Variants in STS observed in about 807,000 individuals in gnomAD.
STS encodes the protein steroid sulfatase, also known as steryl-sulfatase.
STS carries 7 observed loss-of-function variants against 26.8 expected under a neutral mutation model. The observed-to-expected ratio is 0.26, with a 90% CI of 0.15 to 0.49. The LOEUF is 0.49. Among genes scored for constraint, STS ranks in the 20% least tolerant of loss-of-function variants. The pLI, the probability that STS is intolerant of heterozygous loss-of-function variation, is 0.98. For missense variants in STS, 434 were observed against 465.6 expected, an observed-to-expected ratio of 0.93 and a Z score of 0.63; for synonymous variants, 199 against 189.4, an observed-to-expected ratio of 1.05 and a Z score of -0.42.
chrX:7,245,680 G>A (rs937805212), intron 2 of STS, among the ~76,000 whole-genome samples: 3 of 112,292 alleles, frequency 2.7e-5, no homozygotes, highest in South Asian at 3.7e-4. Flanking sequence ...AAGATTAAAC[G>A]CAAAATAACT....
chrX:7,230,765 A>T (rs1266486835), intron 2 of STS, among the ~76,000 whole-genome samples: 3 of 111,584 alleles, frequency 2.7e-5, no homozygotes, highest in African/African-American at 9.8e-5. Flanking sequence ...AACTGCCCTT[A>T]TGATCCAATC....
chrX:7,352,330 A>G lies in STS; in HGVS notation c.*2069A>G, dbSNP rs1423943383. The stretch of plus-strand genomic sequence containing the variant: ...ATTATATGAATGCCTATTTGTGTCT[A>G]GAACCAGTTATTTAACCTGTAAAAT... On this transcript the variant is annotated 3_prime_UTR_variant, in exon 11 of 11. Coordinates refer to ENST00000674429, the MANE Select transcript of STS (RefSeq NM_001320752.2). The G allele has an allele frequency of 8.9e-6, 1 of 112,500 alleles. No homozygotes were observed. The highest frequency in any genetic ancestry group is 1.9e-5 in the Non-Finnish European group (1 of 53,325). The allele number at this position is 112,500 out of a possible 1,213,427, so 9.3% of individuals were successfully genotyped here.
chrX:7,316,908 G>A (rs1390192831), intron 8 of STS, among the ~76,000 whole-genome samples: 1 of 111,453 alleles, frequency 9.0e-6, no homozygotes, highest in Non-Finnish European at 1.9e-5. Flanking sequence ...AAGATTTGAG[G>A]AGAAAAATGA....
intron 1 of STS, among the ~76,000 whole-genome samples, chrX:7,151,334 A>G (rs1189440357): frequency 1.8e-5 from 2 of 111,474 alleles, no homozygotes; most frequent in Admixed American, 9.5e-5. Context: ...AACAGGTTGG[A>G]CTAGGGACCA....
At position 7,350,032 on chromosome X, in the gene STS, A is replaced by G; in HGVS notation, c.1508A>G (p.Asp503Gly). Residue 503 changes from aspartate (D) to glycine (G), a missense_variant, in exon 11 of 11, where the codon GAT becomes GGT. Transcript: ENST00000674429. The part of the protein sequence containing the change: ...DPPLLFDISK[D>G]PRERNPLTPA... ...CCTTTACTCTTTGATATTTCCAAAG[A>G]TCCCAGAGAGAGAAACCCACTAACT... 6 of 1,211,713 alleles carry G rather than the reference A, an allele frequency of 5.0e-6. No homozygotes were observed. Among genetic ancestry groups the G allele is most frequent in the Non-Finnish European group, 6.7e-6 (6 of 895,415 alleles).
intron 2 of STS, among the ~76,000 whole-genome samples, chrX:7,245,278 C>T (rs1922810546): frequency 8.9e-6 from 1 of 111,851 alleles, no homozygotes; most frequent in Non-Finnish European, 1.9e-5. Flanking sequence ...TATTTAAAGA[C>T]GGATGCTAAT....
intron 2 of STS, among the ~76,000 whole-genome samples, chrX:7,197,869 A>G (rs1933999304): frequency 9.0e-6 from 1 of 111,570 alleles, no homozygotes; most frequent in Non-Finnish European, 1.9e-5. Flanking sequence ...CTGTATCCCT[A>G]CGATGCACAG....
intron 7 of STS, among the ~76,000 whole-genome samples, chrX:7,302,264 A>C (rs887571493): frequency 9.0e-6 from 1 of 111,720 alleles, no homozygotes; most frequent in African/African-American, 3.3e-5. Context: ...TTGTATGAGC[A>C]AAAGGGGGCA....
chrX:7,165,913 G>A (rs1202983552), intron 1 of STS, among the ~76,000 whole-genome samples: 1 of 111,429 alleles, frequency 9.0e-6, no homozygotes, highest in South Asian at 3.8e-4. Context: ...GTCTAGGCTA[G>A]TGCCGTAGTC....
Position 7,331,424 on chromosome X carries a change from G to A in STS, c.1242-2562G>A, listed in dbSNP as rs746246177. Among the ~76,000 whole-genome samples, 4 of 110,807 alleles carry A rather than the reference G, an allele frequency of 3.6e-5. No individual in the cohort carries two copies. The South Asian group carries it at 1.6e-3, about 44-fold the overall frequency. ...CTCCCTTTTCCACCAAGAGCCATGA[G>A]GGCACTAGGGCAGAAAACACATTCA... On this transcript the variant is annotated intron_variant, in intron 9 of 10. Coordinates refer to ENST00000674429, the MANE Select transcript of STS (RefSeq NM_001320752.2).
At chrX:7,243,434 T>C (rs6639786) in intron 2 of STS, among the ~76,000 whole-genome samples, 39,735 of 110,874 alleles carry the variant, frequency 0.36, 5,281 homozygotes, top group East Asian at 0.4. Context: ...CTTAGGGTAA[T>C]GTGCAGAAGA....
At chrX:7,156,362 A>G (rs1405902261) in intron 1 of STS, among the ~76,000 whole-genome samples, 4 of 110,554 alleles carry the variant, frequency 3.6e-5, no homozygotes, top group South Asian at 3.7e-4. Flanking sequence ...ATGTGTGTAT[A>G]TATATTTATA....
At position 7,319,458 on chromosome X, in the gene STS, G is replaced by A. The variant is rs915634030; in HGVS notation, c.1082-5881G>A. 4.5e-5 allele frequency among the ~76,000 whole-genome samples: 5 copies of A among 110,440 alleles called. No homozygotes were observed. In the Admixed American group the frequency reaches 4.8e-4, roughly 11 times the overall value. ...TTACAGACATGAGCCACTGCACCCA[G>A]CCACTATCTGCTGTTTAAGGGCCAT... On this transcript the variant is annotated intron_variant, in intron 8 of 10. Coordinates refer to ENST00000674429, the MANE Select transcript of STS (RefSeq NM_001320752.2).
chrX:7,292,186 A>C (rs1392170365), intron 7 of STS, among the ~76,000 whole-genome samples: 1 of 112,978 alleles, frequency 8.9e-6, no homozygotes, highest in Non-Finnish European at 1.9e-5. Flanking sequence ...ATTTATTTGG[A>C]AACAGAGAGA....
intron 5 of STS, among the ~76,000 whole-genome samples, chrX:7,259,068 AGAGT>A (rs1257771266): frequency 9.0e-6 from 1 of 111,365 alleles, no homozygotes; most frequent in Non-Finnish European, 1.9e-5. Context: ...ATTTCTTGGT[AGAGT>A]GAGTAGAGGA....
chrX:7,237,795 C>T (rs1165543865), intron 2 of STS, among the ~76,000 whole-genome samples: 1 of 111,210 alleles, frequency 9.0e-6, no homozygotes, highest in African/African-American at 3.3e-5. Context: ...AAATAATATA[C>T]ATTCTACCCA....
intron 10 of STS, among the ~76,000 whole-genome samples, chrX:7,347,461 C>A (rs748369997): frequency 1.7e-4 from 19 of 112,037 alleles, no homozygotes; most frequent in Admixed American, 1.9e-4. Context: ...GTCTGAACTA[C>A]CCAGCAACAC....
At chrX:7,328,034 G>A (rs1338950477) in intron 9 of STS, among the ~76,000 whole-genome samples, 1 of 111,714 alleles carries the variant, frequency 9.0e-6, no homozygotes, top group Admixed American at 9.5e-5. Flanking sequence ...TCTAGTGATG[G>A]AAAACATGGC....
intron 1 of STS, among the ~76,000 whole-genome samples, chrX:7,182,384 C>T (rs1933697760): frequency 9.2e-6 from 1 of 108,970 alleles, no homozygotes. Flanking sequence ...TACTCCTTAT[C>T]ATGGGGTGGC....
Sources: allele counts gnomAD v4.1 joint callset (sites outside exome capture counted in the v4.1 genomes callset), GRCh38; gene constraint gnomAD v4.1.1; transcripts MANE v1.5; gene names NCBI Gene and HGNC (gene_info 2026-07-23, HGNC 2026-07-21).